NYX: variants seen among roughly 807,000 people sequenced by gnomAD.
The protein encoded by NYX is leucine-rich repeat protein.
For missense variants in NYX, 481 were observed against 485.4 expected, an observed-to-expected ratio of 0.99 and a Z score of 0.09; for synonymous variants, 258 against 245.7, an observed-to-expected ratio of 1.05 and a Z score of -0.47.
chrX:41,461,893 C>T (rs974982993), intron 2 of NYX, among the ~76,000 whole-genome samples: 1 of 111,129 alleles, frequency 9.0e-6, no homozygotes, highest in African/African-American at 3.3e-5. Context: ...CCTCTGCCTC[C>T]TGGGTTCAAG....
chrX:41,453,588 T>G (rs1195725304), intron 2 of NYX, among the ~76,000 whole-genome samples: 2 of 109,896 alleles, frequency 1.8e-5, no homozygotes, highest in Non-Finnish European at 3.8e-5. Flanking sequence ...CCCGAGTAGC[T>G]GGGACTACAG....
intron 2 of NYX, among the ~76,000 whole-genome samples, chrX:41,473,091 A>C (rs1382447608): frequency 3.6e-5 from 4 of 111,829 alleles, no homozygotes; most frequent in Non-Finnish European, 5.6e-5. Context: ...AGCCACTGCG[A>C]CCGGTCAGCT....
intron 2 of NYX, among the ~76,000 whole-genome samples, chrX:41,465,552 T>C (rs1189400078): frequency 4.5e-4 from 47 of 104,064 alleles, no homozygotes; most frequent in African/African-American, 1.5e-3. Flanking sequence ...TTTTTTAAGA[T>C]AGAGCCTTGC....
chrX:41,447,752 A>C, intron 1 of NYX, 97 bp from the exon 2 acceptor site: 1 of 607,517 alleles, frequency 1.6e-6, no homozygotes, highest in Non-Finnish European at 2.8e-6. Context: ...TGTGAGGAAG[A>C]AAGAAAGGCA....
chrX:41,475,189 T>TTCCCA lies in NYX; in HGVS notation c.*294_*295insATCCC. On this transcript the variant is annotated 3_prime_UTR_variant, in exon 3 of 3. Coordinates refer to ENST00000378220, the MANE Select transcript of NYX (RefSeq NM_001378477.3). Reference sequence around the variant, plus strand: ...GGAAGCTTCTAGGGCTTCACATCCCTTCCCCTCCCCTCCCCTTCCCCTCAT... The same window carrying TTCCCA: ...GGAAGCTTCTAGGGCTTCACATCCCTTCCCATCCCCTCCCCTCCCCTTCCCCTCAT... 1 of 370,487 alleles carries TTCCCA rather than the reference T, an allele frequency of 2.7e-6. No homozygotes were observed. The highest frequency in any genetic ancestry group is 4.2e-5 in the South Asian group (1 of 24,063). 30.5% of individuals were successfully genotyped at this position (370,487 alleles called of 1,213,427 possible).
intron 2 of NYX, among the ~76,000 whole-genome samples, chrX:41,458,027 C>T (rs967033061): frequency 2.7e-5 from 3 of 111,584 alleles, no homozygotes; most frequent in Non-Finnish European, 3.8e-5. Context: ...AGCCTTCCTG[C>T]GGCGCCATCC....
chrX:41,453,731 T>C (rs1404661584), intron 2 of NYX, among the ~76,000 whole-genome samples: 1 of 112,575 alleles, frequency 8.9e-6, no homozygotes, highest in East Asian at 2.8e-4. Flanking sequence ...GTTGGGATTA[T>C]AGGCGTGAGC....
chrX:41,466,974 T>C (rs947962485), intron 2 of NYX, among the ~76,000 whole-genome samples: 1 of 108,905 alleles, frequency 9.2e-6, no homozygotes, highest in Non-Finnish European at 1.9e-5. Flanking sequence ...TTTTGTTTGT[T>C]TGTAGTTTTA....
chrX:41,455,957 A>T lies in NYX; in HGVS notation c.22+8031A>T, dbSNP rs1175947859. On this transcript the variant is annotated intron_variant, in intron 2 of 2. Coordinates refer to ENST00000378220, the MANE Select transcript of NYX (RefSeq NM_001378477.3). The stretch of plus-strand genomic sequence containing the variant: ...AACAGTGTTTGATTTGATGTTATGT[A>T]TTTCCTGTCAGCGAATGGGGAGCAG... Among the ~76,000 whole-genome samples, 3 of 111,113 alleles carry T rather than the reference A, an allele frequency of 2.7e-5. No individual in the cohort carries two copies. The East Asian group carries it at 8.5e-4, about 31-fold the overall frequency.
At chrX:41,469,372 G>A (rs2064351295) in intron 2 of NYX, among the ~76,000 whole-genome samples, 1 of 110,000 alleles carries the variant, frequency 9.1e-6, no homozygotes, top group African/African-American at 3.3e-5. Context: ...ATTATGAATC[G>A]GTGGGCATAT....
At chrX:41,455,109 T>G (rs1401611404) in intron 2 of NYX, among the ~76,000 whole-genome samples, 1 of 108,760 alleles carries the variant, frequency 9.2e-6, no homozygotes, top group South Asian at 3.9e-4. Context: ...GTTTTTTTGT[T>G]TTTTTTTTTC....
chrX:41,455,609 T>C (rs1470690904), intron 2 of NYX, among the ~76,000 whole-genome samples: 1 of 110,081 alleles, frequency 9.1e-6, no homozygotes, highest in Non-Finnish European at 1.9e-5. Flanking sequence ...AGGGCAGTCC[T>C]GCTACATTTA....
In NYX at chrX:41,474,639, A is replaced by G. The variant is rs374504146; in HGVS notation, c.1171A>G (p.Thr391Ala). The change falls in exon 3 of 3, where the codon ACG becomes GCG. Residue 391 changes from threonine (T) to alanine (A), a missense_variant. Coordinates refer to ENST00000378220, the MANE Select transcript of NYX (RefSeq NM_001378477.3). ...CVDPEELNLT[T>A]SSPGPSPEPA... Reference sequence around the variant, plus strand: ...GGACCCCGAGGAGCTGAACCTCACCACGTCCAGTCCAGGCCCGTCCCCAGA... The same window carrying G: ...GGACCCCGAGGAGCTGAACCTCACCGCGTCCAGTCCAGGCCCGTCCCCAGA... The G allele has an allele frequency of 8.4e-7, 1 of 1,196,767 alleles. No individual in the cohort carries two copies. The highest frequency in any genetic ancestry group is 1.1e-6 in the Non-Finnish European group (1 of 889,347).
At chrX:41,468,646 T>C in intron 2 of NYX, among the ~76,000 whole-genome samples, 1 of 112,372 alleles carries the variant, frequency 8.9e-6, no homozygotes, top group Middle Eastern at 4.6e-3. Flanking sequence ...CATCATTTAA[T>C]TCTACAAACG....
In NYX at chrX:41,473,488, C is replaced by A; in HGVS notation, c.23-3C>A. 2.0e-6 allele frequency: 2 copies of A among 976,297 alleles called. No homozygotes were observed. The highest frequency in any genetic ancestry group is 2.6e-6 in the Non-Finnish European group (2 of 778,320). The allele number at this position is 976,297 out of a possible 1,213,427, so 80.5% of individuals were successfully genotyped here. On this transcript the variant is annotated splice_region_variant and splice_polypyrimidine_tract_variant and intron_variant, in intron 2 of 2. Transcript: ENST00000378220. ...CCGACTCCCCACCACCCTGTCCCCG[C>A]AGCGGTGGTCCTCGGCCTGCCCAGC...
chrX:41,474,909 A>AG lies in NYX; in HGVS notation c.*16dup. The AG allele has an allele frequency of 8.4e-7, 1 of 1,185,701 alleles. No individual in the cohort carries two copies. Among genetic ancestry groups the AG allele is most frequent in the South Asian group, 1.8e-5 (1 of 54,459 alleles). ...CCTGCAGATGGACTGACCTGGCCAG[A>AG]GGGGGGAAAGTTTGCTTAACTGGGC... On this transcript the variant is annotated 3_prime_UTR_variant, in exon 3 of 3. Transcript: ENST00000378220.
chrX:41,448,022 C>A, intron 2 of NYX, 96 bp downstream of exon 2: 2 of 862,639 alleles, frequency 2.3e-6, no homozygotes, highest in Non-Finnish European at 3.4e-6. Flanking sequence ...TCTGGGACAG[C>A]GGTATCTGGA....
chrX:41,450,983 GC>G (rs1438868649), intron 2 of NYX, among the ~76,000 whole-genome samples: 2 of 106,287 alleles, frequency 1.9e-5, no homozygotes, highest in Non-Finnish European at 3.9e-5. Context: ...ACCACGCCCA[GC>G]CATAATTTTT....
chrX:41,460,173 T>C (rs1436759575), intron 2 of NYX, among the ~76,000 whole-genome samples: 2 of 107,968 alleles, frequency 1.9e-5, no homozygotes, highest in Non-Finnish European at 3.8e-5. Flanking sequence ...CTTTTTCTTT[T>C]TTTTTTTTTT....
Sources: gnomAD v4.1 joint callset for allele counts (sites outside exome capture counted in the v4.1 genomes callset) on GRCh38, gnomAD v4.1.1 for gene constraint, MANE v1.5 for transcripts, NCBI Gene and HGNC (gene_info 2026-07-23, HGNC 2026-07-21) for gene names.